The following ARFIP1 variants were observed in gnomAD, a reference collection of about 807,000 sequenced individuals.
ARFIP1 encodes arfaptin-1.
In ARFIP1, 24 loss-of-function variants were observed where a neutral mutation model predicts 42.5. The observed-to-expected ratio is 0.57, with a 90% CI of 0.41 to 0.80. The LOEUF (loss-of-function observed/expected upper bound fraction) is 0.80. Ranked by LOEUF, ARFIP1 falls within the 30% of genes least tolerant of loss-of-function variation. The probability of loss-of-function intolerance (pLI) is 0.00; values close to 1 mark genes in which losing one functional copy is unlikely to be tolerated. For synonymous variants in ARFIP1, 141 were observed against 153.7 expected (o/e 0.92, Z 0.61); for missense variants, 354 against 434.0 (o/e 0.82, Z 1.64).
Position 152,888,284 on chromosome 4 carries a change from T to C in ARFIP1, c.943T>C (p.Leu315=), listed in dbSNP as rs2149897165. The C allele has an allele frequency of 6.2e-7, 1 of 1,605,632 alleles. No individual in the cohort carries two copies. The highest frequency in any genetic ancestry group is 1.7e-5 in the Admixed American group (1 of 58,080). ...AATGCGCAATGATGTTTCTGTCAAA[T>C]TGAAATTTCTAGAAGAAAATAAGGT... ...DKMRNDVSVK[L]KFLEENKVKV... is the part of the protein sequence containing the mutation. The change falls in exon 8 of 9, where the codon TTG becomes CTG. Residue 315 remains leucine, a synonymous_variant. Coordinates refer to ENST00000353617, the MANE Select transcript of ARFIP1 (RefSeq NM_001025595.3).
intron 1 of ARFIP1, among the ~76,000 whole-genome samples, chr4:152,789,273 TAGAG>T (rs1321888891): frequency 3.3e-5 from 5 of 151,676 alleles, no homozygotes; most frequent in South Asian, 2.1e-4. Flanking sequence ...GTATTTTTAG[TAGAG>T]AGAGGTTTCA....
At chr4:152,908,891 AGTGTGTGTGTGTGTGTGTGTGT>A (rs58362465) in intron 8 of ARFIP1, among the ~76,000 whole-genome samples, 6 of 132,562 alleles carry the variant, frequency 4.5e-5, no homozygotes, top group South Asian at 2.6e-4. Context: ...GCTAGAGAGA[AGTGTGTGTGTGTGTGTGTGTGT>A]GTGTGTGTGT....
Position 152,829,642 on chromosome 4 carries a change from A to G in ARFIP1, c.9A>G (p.Gln3=), listed in dbSNP as rs1209326073. ...TGTTTTAGGAGTCTACCATGGCTCA[A>G]GAATCTCCCAAAAATTCAGCAGCAG... MA[Q]ESPKNSAAEI... is the part of the protein sequence containing the mutation. Residue 3 remains glutamine, a synonymous_variant, in exon 2 of 9, where the codon CAA becomes CAG. Transcript: ENST00000353617. 1.5e-5 allele frequency: 24 copies of G among 1,611,952 alleles called. No homozygotes were observed. Among genetic ancestry groups the G allele is most frequent in the Non-Finnish European group, 1.9e-5 (22 of 1,178,772 alleles).
At chr4:152,899,323 A>G (rs13143276) in intron 8 of ARFIP1, among the ~76,000 whole-genome samples, 102,843 of 151,882 alleles carry the variant, frequency 0.68, 35,139 homozygotes, top group African/African-American at 0.75. Flanking sequence ...ATTCCCTATG[A>G]CCTTGCATGC....
At chr4:152,864,913 C>CTTTTTTT (rs34123163) in intron 3 of ARFIP1, among the ~76,000 whole-genome samples, 3 of 112,460 alleles carry the variant, frequency 2.7e-5, no homozygotes, top group Non-Finnish European at 3.7e-5. Flanking sequence ...CTTTTTTAAA[C>CTTTTTTT]TTTTTTTTTT....
chr4:152,869,511 G>A (rs1484489283), intron 3 of ARFIP1, among the ~76,000 whole-genome samples: 1 of 151,164 alleles, frequency 6.6e-6, no homozygotes, highest in Non-Finnish European at 1.5e-5. Flanking sequence ...GTGCAGTGGT[G>A]CGATCTTGGC....
intron 1 of ARFIP1, chr4:152,796,809 A>G (rs1731497124): frequency 1.5e-6 from 1 of 650,252 alleles, no homozygotes; most frequent in African/African-American, 1.9e-5. Context: ...TTTATGGTGT[A>G]ATTCAATATA....
intron 2 of ARFIP1, among the ~76,000 whole-genome samples, chr4:152,859,835 C>T (rs952927716): frequency 6.7e-6 from 1 of 150,294 alleles, no homozygotes; most frequent in Non-Finnish European, 1.5e-5. Context: ...TAAATTCTAT[C>T]TAGTTGCCCT....
chr4:152,819,624 G>A (rs1189400232), intron 1 of ARFIP1, among the ~76,000 whole-genome samples: 1 of 152,172 alleles, frequency 6.6e-6, no homozygotes, highest in Non-Finnish European at 1.5e-5. Flanking sequence ...GGGAGTGAGT[G>A]AGTGAGCCAC....
At chr4:152,782,391 A>AT (rs1324417635) in intron 1 of ARFIP1, among the ~76,000 whole-genome samples, 6 of 152,198 alleles carry the variant, frequency 3.9e-5, no homozygotes, top group Non-Finnish European at 7.3e-5. Context: ...ACAGAAGGAA[A>AT]TGAGGCTGCC....
intron 8 of ARFIP1, among the ~76,000 whole-genome samples, chr4:152,905,545 G>GTTTTTTTTATTTT (rs1738255460): frequency 3.3e-5 from 1 of 30,372 alleles, no homozygotes; most frequent in Non-Finnish European, 5.8e-5. Flanking sequence ...TGTAAGAATT[G>GTTTTTTTTATTTT]TTTTTTTTTT....
At chr4:152,822,145 T>C (rs901527642) in intron 1 of ARFIP1, among the ~76,000 whole-genome samples, 23 of 152,078 alleles carry the variant, frequency 1.5e-4, no homozygotes, top group African/African-American at 5.6e-4. Flanking sequence ...GCAAACCAAG[T>C]ATCTGCTGAC....
intron 5 of ARFIP1, among the ~76,000 whole-genome samples, chr4:152,876,822 A>G (rs1403690029): frequency 6.6e-6 from 1 of 152,234 alleles, no homozygotes; most frequent in Non-Finnish European, 1.5e-5. Context: ...TAGCCGCTCC[A>G]GCCATGGCTG....
intron 5 of ARFIP1, among the ~76,000 whole-genome samples, chr4:152,879,833 G>A (rs1735680729): frequency 6.6e-6 from 1 of 151,538 alleles, no homozygotes; most frequent in Admixed American, 6.6e-5. Context: ...TGGGCAACAG[G>A]AGCAAAACTC....
At chr4:152,832,164 A>G (rs762482918) in intron 2 of ARFIP1, among the ~76,000 whole-genome samples, 26 of 152,220 alleles carry the variant, frequency 1.7e-4, no homozygotes, top group Non-Finnish European at 3.1e-4. Flanking sequence ...GGTCACGAGT[A>G]TATGAATGTT....
chr4:152,859,768 C>T (rs545177801), intron 2 of ARFIP1, among the ~76,000 whole-genome samples: 2 of 151,542 alleles, frequency 1.3e-5, no homozygotes, highest in African/African-American at 4.8e-5. Context: ...TACTCAGAAA[C>T]TCTATTTCTA....
chr4:152,822,296 TAAAAAAAAAAAA>T (rs70949618), intron 1 of ARFIP1, among the ~76,000 whole-genome samples: 4 of 65,580 alleles, frequency 6.1e-5, no homozygotes, highest in African/African-American at 2.0e-4. Flanking sequence ...GCAACAGCAG[TAAAAAAAAAAAA>T]AAAAAAAAAA....
chr4:152,877,305 AG>A (rs1561163322), intron 5 of ARFIP1, among the ~76,000 whole-genome samples: 10 of 152,210 alleles, frequency 6.6e-5, no homozygotes, highest in African/African-American at 1.9e-4. Flanking sequence ...CTCCTGCATC[AG>A]CATGACCTGG....
intron 1 of ARFIP1, among the ~76,000 whole-genome samples, chr4:152,812,253 G>C (rs988965448): frequency 6.6e-6 from 1 of 152,204 alleles, no homozygotes; most frequent in Non-Finnish European, 1.5e-5. Context: ...GGAGTGCAGT[G>C]GCACGATCAT....
Sources: gnomAD v4.1 joint callset for allele counts (sites outside exome capture counted in the v4.1 genomes callset) on GRCh38, gnomAD v4.1.1 for gene constraint, MANE v1.5 for transcripts, NCBI Gene and HGNC (gene_info 2026-07-23, HGNC 2026-07-21) for gene names.